NRP2: variants seen among roughly 807,000 people sequenced by gnomAD.
NRP2 encodes neuropilin 2, also known as neuropilin-2.
Under a neutral mutation model 110.4 loss-of-function variants are expected in NRP2, and 52 were observed. That is an observed-to-expected ratio of 0.47 (90% CI 0.38 to 0.59). The LOEUF is 0.59. Among genes scored for constraint, NRP2 ranks in the 20% least tolerant of loss-of-function variants. NRP2 has a pLI of 0.00. For synonymous variants in NRP2, 508 were observed against 468.9 expected (o/e 1.08, Z -1.08); for missense variants, 1,049 against 1,203.0 (o/e 0.87, Z 1.89).
chr2:205,728,017 A>G lies in NRP2; in HGVS notation c.1117A>G (p.Met373Val), dbSNP rs767436534. ...AGTCAGCACTAATGGAGAGGACTGG[A>G]TGGTGTACCGGCATGGCAAAAACCA... ...LEVSTNGEDW[M>V]VYRHGKNHKV... is the part of the protein sequence containing the mutation. Residue 373 changes from methionine (M) to valine (V), a missense_variant, in exon 7 of 17, where the codon ATG becomes GTG. Transcript: ENST00000357785. 3.1e-6 allele frequency: 5 copies of G among 1,614,200 alleles called. No individual in the cohort carries two copies. The highest frequency in any genetic ancestry group is 2.2e-5 in the East Asian group (1 of 44,882).
intron 12 of NRP2, among the ~76,000 whole-genome samples, chr2:205,758,301 C>T (rs541611648): frequency 6.6e-6 from 1 of 152,320 alleles, no homozygotes; most frequent in South Asian, 2.1e-4. Flanking sequence ...GGGCAAGATG[C>T]TAGCCAGGAG....
At chr2:205,749,681 C>A in intron 10 of NRP2, 44 bp from the exon 11 acceptor site, 1 of 1,504,780 alleles carries the variant, frequency 6.6e-7, no homozygotes, top group Non-Finnish European at 9.3e-7. Flanking sequence ...GGTTGCAACA[C>A]AGGCTGCTAC....
chr2:205,775,051 C>T (rs1041689508), intron 15 of NRP2, among the ~76,000 whole-genome samples: 3 of 152,286 alleles, frequency 2.0e-5, no homozygotes, highest in Middle Eastern at 3.4e-3. Context: ...CGCAGCACTT[C>T]CCACCCATGG....
At chr2:205,723,982 A>T (rs1217490581) in intron 5 of NRP2, 42 bp downstream of exon 5, 23 of 1,610,310 alleles carry the variant, frequency 1.4e-5, no homozygotes, top group Non-Finnish European at 1.9e-5. Context: ...TCCTTCCGTC[A>T]GGGCTGTGAG....
Position 205,683,132 on chromosome 2 carries a change from T to G in NRP2, c.-159T>G. ...GGTGAGGTGGAAATTCCAGCAAGAATAGAGGTGAAGACAAGCCACCAGGAC... is the reference window on the plus strand; with the variant it reads ...GGTGAGGTGGAAATTCCAGCAAGAAGAGAGGTGAAGACAAGCCACCAGGAC... On this transcript the variant is annotated 5_prime_UTR_variant, in exon 1 of 17. An upstream open reading frame in the 5' UTR loses its in-frame stop. Transcript: ENST00000357785. 2 of 625,000 alleles carry G rather than the reference T, an allele frequency of 3.2e-6. No homozygotes were observed. Among genetic ancestry groups the G allele is most frequent in the Non-Finnish European group, 5.7e-6 (2 of 351,484 alleles). 38.7% of individuals were successfully genotyped at this position (625,000 alleles called of 1,614,324 possible).
intron 15 of NRP2, 199 bp downstream of exon 15, chr2:205,767,002 CTT>C (rs1266891244): frequency 1.6e-6 from 1 of 620,662 alleles, no homozygotes; most frequent in Non-Finnish European, 2.8e-6. Flanking sequence ...CTCACTGTCT[CTT>C]GTTTAATTAA....
intron 6 of NRP2, among the ~76,000 whole-genome samples, chr2:205,726,523 G>A (rs1204828652): frequency 1.3e-5 from 2 of 152,154 alleles, no homozygotes; most frequent in Non-Finnish European, 2.9e-5. Context: ...TGCCAGGAAG[G>A]TTTTGCACAG....
At chr2:205,789,761 C>A (rs1226397268) in intron 15 of NRP2, among the ~76,000 whole-genome samples, 1 of 152,170 alleles carries the variant, frequency 6.6e-6, no homozygotes, top group Admixed American at 6.5e-5. Context: ...ATGAGAGAAC[C>A]ACATTCCTTC....
chr2:205,763,773 G>A lies in NRP2; in HGVS notation c.2144G>A (p.Cys715Tyr). The A allele has an allele frequency of 1.2e-6, 2 of 1,614,228 alleles. No individual in the cohort carries two copies. The highest frequency in any genetic ancestry group is 1.7e-6 in the Non-Finnish European group (2 of 1,180,042). ...PPVHLPRSPV[C>Y]MEFQYQATGG... ...GTCCACCTGCCCCGAAGCCCGGTGT[G>A]CATGGAGTTCCAGTACCAGGCCACG... Residue 715 changes from cysteine to tyrosine, a missense_variant, in exon 13 of 17, where the codon TGC (cysteine) becomes TAC (tyrosine). Coordinates refer to ENST00000357785, the MANE Select transcript of NRP2 (RefSeq NM_003872.3). This position sits in a 1 kb window ranked among gnomAD's most constrained non-coding sequence, Gnocchi z 4.0.
chr2:205,690,157 C>T (rs1360827394), intron 1 of NRP2, among the ~76,000 whole-genome samples: 1 of 151,882 alleles, frequency 6.6e-6, no homozygotes, highest in Non-Finnish European at 1.5e-5. Flanking sequence ...ATTACTAGAC[C>T]GAATGCTAAT....
chr2:205,765,423 T>C (rs2057898894), intron 13 of NRP2, 51 bp from the exon 14 acceptor site: 2 of 1,493,136 alleles, frequency 1.3e-6, no homozygotes, highest in Middle Eastern at 1.7e-4. Context: ...CCTTGCACCG[T>C]TTGGACTAGG....
At chr2:205,721,364 A>C (rs756239832) in intron 3 of NRP2, among the ~76,000 whole-genome samples, 1 of 152,168 alleles carries the variant, frequency 6.6e-6, no homozygotes, top group Non-Finnish European at 1.5e-5. Context: ...TTCTTTTAAA[A>C]TCTGAACATA....
intron 15 of NRP2, chr2:205,776,004 CCT>C (rs2105946250): frequency 1.5e-6 from 1 of 687,580 alleles, no homozygotes; most frequent in South Asian, 1.5e-5. Context: ...CCTCTCTCCA[CCT>C]CTGTTTCCTC....
chr2:205,698,812 C>A (rs2056492213), intron 2 of NRP2, among the ~76,000 whole-genome samples: 1 of 152,216 alleles, frequency 6.6e-6, no homozygotes, highest in Non-Finnish European at 1.5e-5. Flanking sequence ...TCTAAGCATT[C>A]CTTGCTATTA....
intron 7 of NRP2, among the ~76,000 whole-genome samples, chr2:205,738,041 C>T (rs849581): frequency 0.15 from 22,099 of 152,226 alleles, 1,920 homozygotes; most frequent in East Asian, 0.4. Context: ...GGTCTCTTAG[C>T]GTTGCCTGCC....
intron 1 of NRP2, among the ~76,000 whole-genome samples, chr2:205,684,305 C>G (rs896262599): frequency 3.3e-5 from 5 of 152,180 alleles, no homozygotes; most frequent in African/African-American, 1.2e-4. Flanking sequence ...CTCCCTACCC[C>G]TCTGAGAACA....
intron 1 of NRP2, among the ~76,000 whole-genome samples, chr2:205,688,851 C>A (rs1369868959): frequency 1.2e-5 from 1 of 80,532 alleles, no homozygotes; most frequent in African/African-American, 3.2e-5. Flanking sequence ...AACAAAAAAA[C>A]AAAACAAAAC....
At position 205,763,460 on chromosome 2, in the gene NRP2, G is replaced by A. The variant is rs946641843; in HGVS notation, c.2045-214G>A. Reference sequence around the variant, plus strand: ...TACCGAGAAATAGGCAGGAGGGACCGATTTGACTTAGAGACTCTTAAGAAA... The same window carrying A: ...TACCGAGAAATAGGCAGGAGGGACCAATTTGACTTAGAGACTCTTAAGAAA... On this transcript the variant is annotated intron_variant, in intron 12 of 16. Coordinates refer to ENST00000357785, the MANE Select transcript of NRP2 (RefSeq NM_003872.3). This position sits in a 1 kb window ranked among gnomAD's most constrained non-coding sequence, Gnocchi z 4.0. 3.3e-5 allele frequency among the ~76,000 whole-genome samples: 5 copies of A among 152,082 alleles called. No individual in the cohort carries two copies. The highest frequency in any genetic ancestry group is 7.4e-5 in the Non-Finnish European group (5 of 68,010).
intron 12 of NRP2, among the ~76,000 whole-genome samples, chr2:205,754,255 C>T (rs1012465333): frequency 6.6e-6 from 1 of 152,036 alleles, no homozygotes; most frequent in African/African-American, 2.4e-5. Context: ...AGGGACCTTC[C>T]CTTCTGCAGG....
Sources: gnomAD v4.1 joint callset for allele counts (sites outside exome capture counted in the v4.1 genomes callset) on GRCh38, gnomAD v4.1.1 for gene constraint, Gnocchi (gnomAD v3.1) non-coding constraint, MANE v1.5 for transcripts, NCBI Gene and HGNC (gene_info 2026-07-23, HGNC 2026-07-21) for gene names.